Variants in NBEAL1 observed in about 807,000 individuals in gnomAD.
NBEAL1 encodes neurobeachin-like protein 1.
A neutral mutation model predicts 351.3 loss-of-function variants in NBEAL1; 273 were observed. The observed-to-expected ratio is 0.78, with a 90% CI of 0.70 to 0.86. The LOEUF (loss-of-function observed/expected upper bound fraction) is 0.86, where lower values mean the gene tolerates loss of function less well. Ranked by LOEUF, NBEAL1 falls within the 40% of genes least tolerant of loss-of-function variation. NBEAL1 has a pLI of 0.00. For missense variants in NBEAL1, 2,961 were observed against 3,201.3 expected, an observed-to-expected ratio of 0.92 and a Z score of 1.81; for synonymous variants, 1,050 against 1,086.4, an observed-to-expected ratio of 0.97 and a Z score of 0.66.
rs757622903 is a variant in NBEAL1, at chr2:203,217,233, C to T, written c.8071-20C>T. 22 of 1,460,742 alleles carry T rather than the reference C, an allele frequency of 1.5e-5. No homozygotes were observed. The South Asian group carries it at 2.4e-4, about 16-fold the overall frequency. 90.5% of individuals were successfully genotyped at this position (1,460,742 alleles called of 1,614,324 possible). The stretch of plus-strand genomic sequence containing the variant: ...TTTTCTTAATATTTATTCTTCATTT[C>T]TTTGGATTACTTTACACAGATGCGT... On this transcript the variant is annotated intron_variant, in intron 55 of 55. Coordinates refer to ENST00000683969, the MANE Select transcript of NBEAL1 (RefSeq NM_001378026.1).
chr2:203,127,015 C>T, intron 23 of NBEAL1, 89 bp downstream of exon 23: 1 of 890,888 alleles, frequency 1.1e-6, no homozygotes, highest in Non-Finnish European at 1.7e-6. Context: ...TTTCTCTTTA[C>T]CAGCGATTCT....
intron 7 of NBEAL1, among the ~76,000 whole-genome samples, chr2:203,075,464 T>C (rs1226479609): frequency 1.3e-5 from 2 of 152,222 alleles, no homozygotes; most frequent in Non-Finnish European, 2.9e-5. Context: ...TGTCATCTTC[T>C]AGCTCTGTGT....
At chr2:203,097,476 A>T in intron 10 of NBEAL1, 71 bp from the exon 11 acceptor site, 1 of 513,082 alleles carries the variant, frequency 1.9e-6, no homozygotes, top group Non-Finnish European at 2.5e-6. Flanking sequence ...AAACCCATTT[A>T]AGCTTCATTG....
intron 4 of NBEAL1, among the ~76,000 whole-genome samples, chr2:203,055,806 TA>T (rs2061393559): frequency 6.6e-6 from 1 of 152,268 alleles, no homozygotes; most frequent in South Asian, 2.1e-4. Flanking sequence ...AAAAAGGGAA[TA>T]AAAATGAGGG....
chr2:203,117,165 T>C (rs1339691599), intron 18 of NBEAL1, among the ~76,000 whole-genome samples: 1 of 151,032 alleles, frequency 6.6e-6, no homozygotes, highest in Non-Finnish European at 1.5e-5. Context: ...GAAAAAGATA[T>C]ACAAAAATGT....
intron 12 of NBEAL1, among the ~76,000 whole-genome samples, chr2:203,102,389 G>A (rs1489836365): frequency 2.0e-5 from 3 of 152,130 alleles, no homozygotes; most frequent in African/African-American, 7.2e-5. Flanking sequence ...TCTTATTCTG[G>A]CTTTCAAGGG....
In NBEAL1 at chr2:203,219,273, TTATC is replaced by T. The variant is rs1328121408; in HGVS notation, c.*1920_*1923del. 1.3e-5 allele frequency: 2 copies of T among 152,158 alleles called. No individual in the cohort carries two copies. Among genetic ancestry groups the T allele is most frequent in the Non-Finnish European group, 2.9e-5 (2 of 68,030 alleles). The allele number at this position is 152,158 out of a possible 1,614,324, so 9.4% of individuals were successfully genotyped here. Reference sequence around the variant, plus strand: ...AACCTACTAAGTTTTATTTTGTTATTTATCCAGAGATTTTGATGTAAAAATGCCT... The same window carrying T: ...AACCTACTAAGTTTTATTTTGTTATTCAGAGATTTTGATGTAAAAATGCCT... On this transcript the variant is annotated 3_prime_UTR_variant, in exon 56 of 56. Coordinates refer to ENST00000683969, the MANE Select transcript of NBEAL1 (RefSeq NM_001378026.1).
At chr2:203,163,296 G>T (rs1000175928) in intron 36 of NBEAL1, among the ~76,000 whole-genome samples, 1 of 152,144 alleles carries the variant, frequency 6.6e-6, no homozygotes, top group Non-Finnish European at 1.5e-5. Flanking sequence ...CACAGAAAGT[G>T]CTTTAAGAAT....
At chr2:203,162,019 A>ATTTTTTT (rs780529337) in intron 36 of NBEAL1, among the ~76,000 whole-genome samples, 6 of 107,226 alleles carry the variant, frequency 5.6e-5, no homozygotes, top group South Asian at 3.0e-4. Context: ...ATTTGATTTG[A>ATTTTTTT]TTTTTTTTTT....
chr2:203,190,292 G>C lies in NBEAL1; in HGVS notation c.6824G>C (p.Gly2275Ala), dbSNP rs1233354243. 6.2e-7 allele frequency: 1 copy of C among 1,603,058 alleles called. No homozygotes were observed. The highest frequency in any genetic ancestry group is 1.8e-5 in the Admixed American group (1 of 56,912). The change falls in exon 46 of 56, where the codon GGA (glycine) becomes GCA (alanine). Residue 2275 changes from glycine to alanine, a missense_variant and splice_region_variant. By Grantham distance (60) the Gly-to-Ala change is moderately conservative. Transcript: ENST00000683969. ...GTAAGTTGACTTCTTCTGGTTTTAG[G>C]AGCTGTGGATCTGGATGCCTTAACA... ...LNVFYYCSYEGAVDLDALTDE... is the reference protein window; with the variant it reads ...LNVFYYCSYEAAVDLDALTDE...
intron 6 of NBEAL1, among the ~76,000 whole-genome samples, chr2:203,057,774 T>C (rs1435793613): frequency 6.6e-6 from 1 of 151,962 alleles, no homozygotes; most frequent in African/African-American, 2.4e-5. Flanking sequence ...ACATACTTTA[T>C]AATTCGAAAA....
chr2:203,083,445 C>G lies in NBEAL1; in HGVS notation c.911C>G (p.Ser304Ter). The G allele has an allele frequency of 6.4e-7, 1 of 1,553,164 alleles. No homozygotes were observed. Among genetic ancestry groups the G allele is most frequent in the African/African-American group, 1.4e-5 (1 of 73,468 alleles). ...GAGAACTATTTTAAATTGCTAAATTCAGATCATTCAGCTTTACCTAATCAA... is the reference window on the plus strand; with the variant it reads ...GAGAACTATTTTAAATTGCTAAATTGAGATCATTCAGCTTTACCTAATCAA... The part of the protein sequence containing the change: ...ILENYFKLLN[S>*]DHSALPNQRR... The change falls in exon 9 of 56, where the codon TCA becomes TGA. Residue 304 changes from serine to a stop codon, truncating the protein, a stop_gained. Coordinates refer to ENST00000683969, the MANE Select transcript of NBEAL1 (RefSeq NM_001378026.1). LOFTEE classifies it high-confidence loss of function.
At chr2:203,123,151 T>C (rs2106275708) in intron 19 of NBEAL1, among the ~76,000 whole-genome samples, 1 of 141,392 alleles carries the variant, frequency 7.1e-6, no homozygotes, top group African/African-American at 2.6e-5. Context: ...AAAAAAAAAC[T>C]TTTCTAATCA....
chr2:203,114,274 A>G (rs955720517), intron 17 of NBEAL1, among the ~76,000 whole-genome samples: 20 of 152,238 alleles, frequency 1.3e-4, no homozygotes, highest in Non-Finnish European at 2.4e-4. Context: ...GGACATAGTC[A>G]GTCCATAACA....
intron 12 of NBEAL1, among the ~76,000 whole-genome samples, chr2:203,106,396 A>G (rs1235569377): frequency 1.3e-5 from 2 of 152,306 alleles, no homozygotes; most frequent in East Asian, 3.9e-4. Flanking sequence ...ATGTTGACAT[A>G]ACTCATGGTT....
intron 4 of NBEAL1, among the ~76,000 whole-genome samples, chr2:203,053,430 T>C (rs535894080): frequency 1.3e-5 from 2 of 152,312 alleles, no homozygotes; most frequent in South Asian, 4.1e-4. Context: ...TGTTTTCTTA[T>C]TAAGTTTTAA....
intron 31 of NBEAL1, among the ~76,000 whole-genome samples, chr2:203,141,720 C>G (rs941347446): frequency 7.2e-5 from 11 of 151,770 alleles, no homozygotes; most frequent in Admixed American, 4.6e-4. Flanking sequence ...GGTTAGTGAC[C>G]TAAAACATTT....
chr2:203,195,995 C>T (rs2065231953), intron 47 of NBEAL1, among the ~76,000 whole-genome samples: 2 of 152,156 alleles, frequency 1.3e-5, no homozygotes, highest in Non-Finnish European at 2.9e-5. Context: ...AGCCAAGTCC[C>T]AGATGCCAAC....
At chr2:203,187,744 C>CA (rs71034226) in intron 44 of NBEAL1, among the ~76,000 whole-genome samples, 44,226 of 142,826 alleles carry the variant, frequency 0.31, 7,048 homozygotes, top group East Asian at 0.6. Context: ...GACTTCGTCC[C>CA]AAAAAAAAAA....
Sources: allele counts gnomAD v4.1 joint callset (sites outside exome capture counted in the v4.1 genomes callset), GRCh38; gene constraint gnomAD v4.1.1; transcripts MANE v1.5; gene names NCBI Gene and HGNC (gene_info 2026-07-23, HGNC 2026-07-21).